The following XYLB variants were observed in gnomAD, a reference collection of about 807,000 sequenced individuals.
The protein encoded by XYLB is xylulokinase.
A neutral mutation model predicts 78.7 loss-of-function variants in XYLB; 62 were observed. That is an observed-to-expected ratio of 0.79 (90% CI 0.64 to 0.97). The LOEUF (loss-of-function observed/expected upper bound fraction) is 0.97. Ranked by LOEUF, XYLB falls within the 50% of genes least tolerant of loss-of-function variation. The pLI, the probability that XYLB is intolerant of heterozygous loss-of-function variation, is 0.00. For missense variants in XYLB, 687 were observed against 676.8 expected, an observed-to-expected ratio of 1.02 and a Z score of -0.17; for synonymous variants, 245 against 247.4, an observed-to-expected ratio of 0.99 and a Z score of 0.09.
At chr3:38,437,005 A>AAATAATAATAATAAT in the XYLB span, among the ~76,000 whole-genome samples, 24 of 134,792 alleles carry the variant, frequency 1.8e-4, no homozygotes, top group East Asian at 4.2e-4. Context: ...CTCCTTCTAA[A>AAATAATAATAATAAT]AATAATAATA....
At chr3:38,436,188 C>G in the XYLB span, among the ~76,000 whole-genome samples, 1 of 151,608 alleles carries the variant, frequency 6.6e-6, no homozygotes, top group Non-Finnish European at 1.5e-5. Context: ...GCCAGACTAA[C>G]CAAGAAAAAA....
intron 2 of XYLB, among the ~76,000 whole-genome samples, chr3:38,351,171 CAAAAA>C (rs58457623): frequency 7.4e-4 from 17 of 23,084 alleles, no homozygotes; most frequent in East Asian, 6.7e-3. Context: ...GAGCCTGTCT[CAAAAA>C]AAAAAAAAAA....
intron 10 of XYLB, among the ~76,000 whole-genome samples, chr3:38,373,576 G>A (rs919311786): frequency 6.6e-6 from 1 of 152,104 alleles, no homozygotes; most frequent in Non-Finnish European, 1.5e-5. Context: ...GATGGAGGGT[G>A]GTGTTGCTTC....
chr3:38,449,632 A>G, the XYLB span, among the ~76,000 whole-genome samples: 1 of 152,272 alleles, frequency 6.6e-6, no homozygotes, highest in East Asian at 1.9e-4. Context: ...TCATCTTCCC[A>G]GTCTGGTAGA....
In XYLB at chr3:38,376,996, A is replaced by G. The variant is rs563952549; in HGVS notation, c.1194+5A>G. 4 of 1,613,088 alleles carry G rather than the reference A, an allele frequency of 2.5e-6. No individual in the cohort carries two copies. Among genetic ancestry groups the G allele is most frequent in the Non-Finnish European group, 3.4e-6 (4 of 1,179,272 alleles). ...TTTAACACAGAAAACCACAAGGTAC[A>G]TGTGCTGTTGGTGTTGGAGTTACAT... is the stretch of plus-strand genomic sequence containing the variant. On this transcript the variant is annotated splice_donor_5th_base_variant and intron_variant, in intron 14 of 18. Coordinates refer to ENST00000207870, the MANE Select transcript of XYLB (RefSeq NM_005108.4).
At chr3:38,388,345 G>A (rs892974324) in intron 15 of XYLB, among the ~76,000 whole-genome samples, 2 of 152,038 alleles carry the variant, frequency 1.3e-5, no homozygotes, top group Non-Finnish European at 2.9e-5. Context: ...TTATAACAGT[G>A]TATTGTATTC....
At chr3:38,355,694 C>T (rs1282992430) in intron 2 of XYLB, 2 of 702,948 alleles carry the variant, frequency 2.8e-6, no homozygotes, top group Admixed American at 4.0e-5. Flanking sequence ...TCCATCAAAA[C>T]CTCCTTCTCT....
intron 11 of XYLB, 45 bp downstream of exon 11, chr3:38,374,547 T>C: frequency 6.2e-7 from 1 of 1,612,494 alleles, no homozygotes; most frequent in Non-Finnish European, 8.5e-7. Flanking sequence ...GTTTCCACAC[T>C]CACACCCACA....
chr3:38,381,307 G>A (rs1707132282), intron 15 of XYLB, among the ~76,000 whole-genome samples: 1 of 152,148 alleles, frequency 6.6e-6, no homozygotes, highest in Non-Finnish European at 1.5e-5. Context: ...GATTTCCTAT[G>A]CCTGTCTTTA....
At chr3:38,375,328 AG>A in intron 12 of XYLB, 69 bp downstream of exon 12, 3 of 1,351,900 alleles carry the variant, frequency 2.2e-6, no homozygotes, top group South Asian at 1.2e-5. Flanking sequence ...CACCATCTTG[AG>A]GACCCCAAGT....
chr3:38,366,492 T>G (rs1706270205), intron 6 of XYLB, among the ~76,000 whole-genome samples: 1 of 152,162 alleles, frequency 6.6e-6, no homozygotes, highest in Non-Finnish European at 1.5e-5. Context: ...ATTTTAAGGA[T>G]TCAAAGGCCA....
the XYLB span, among the ~76,000 whole-genome samples, chr3:38,429,997 A>C: frequency 6.6e-6 from 1 of 152,182 alleles, no homozygotes; most frequent in African/African-American, 2.4e-5. Flanking sequence ...GCTATTGTGA[A>C]TAGTGCCACA....
intron 17 of XYLB, among the ~76,000 whole-genome samples, chr3:38,400,591 A>T (rs894843915): frequency 8.5e-5 from 13 of 152,210 alleles, no homozygotes; most frequent in African/African-American, 3.1e-4. Flanking sequence ...TACCCGACCT[A>T]TTCCATGAAA....
Position 38,381,819 on chromosome 3 carries a change from C to T in XYLB, c.1291+2477C>T, listed in dbSNP as rs577799257. Reference sequence around the variant, plus strand: ...AGATGTTACCAATGACAATGGTGCCCGAAACTTCATTAGCAATTTTAATTT... The same window carrying T: ...AGATGTTACCAATGACAATGGTGCCTGAAACTTCATTAGCAATTTTAATTT... On this transcript the variant is annotated intron_variant, in intron 15 of 18. Coordinates refer to ENST00000207870, the MANE Select transcript of XYLB (RefSeq NM_005108.4). Among the ~76,000 whole-genome samples, 7 of 152,232 alleles carry T rather than the reference C, an allele frequency of 4.6e-5. No homozygotes were observed. In the East Asian group the frequency reaches 7.7e-4, roughly 17 times the overall value.
At chr3:38,428,519 T>C in the XYLB span, among the ~76,000 whole-genome samples, 2 of 152,212 alleles carry the variant, frequency 1.3e-5, no homozygotes, top group Non-Finnish European at 2.9e-5. Flanking sequence ...ACATACATAT[T>C]TGGGACTGTT....
the XYLB span, among the ~76,000 whole-genome samples, chr3:38,426,918 G>A: frequency 1.4e-4 from 22 of 152,244 alleles, no homozygotes; most frequent in South Asian, 1.2e-3. Flanking sequence ...GGCCCCGCCC[G>A]GAGCAAAAAA....
the XYLB span, among the ~76,000 whole-genome samples, chr3:38,441,695 G>C: frequency 6.6e-6 from 1 of 152,184 alleles, no homozygotes; most frequent in African/African-American, 2.4e-5. Flanking sequence ...GAGTAGTCCA[G>C]ACAGTGAGAT....
intron 2 of XYLB, among the ~76,000 whole-genome samples, chr3:38,357,401 T>TG (rs994615813): frequency 2.0e-5 from 3 of 151,502 alleles, no homozygotes; most frequent in African/African-American, 7.3e-5. Context: ...CCTTTTTTTT[T>TG]TTTGAGATGG....
intron 1 of XYLB, among the ~76,000 whole-genome samples, chr3:38,348,267 C>G (rs999357360): frequency 6.6e-6 from 1 of 152,230 alleles, no homozygotes; most frequent in African/African-American, 2.4e-5. Flanking sequence ...TGAACATCTT[C>G]CTCTAGAGGG....
Sources: allele counts gnomAD v4.1 joint callset (sites outside exome capture counted in the v4.1 genomes callset), GRCh38; gene constraint gnomAD v4.1.1; transcripts MANE v1.5; gene names NCBI Gene and HGNC (gene_info 2026-07-23, HGNC 2026-07-21).